Variants in SI observed in about 807,000 individuals in gnomAD.
SI encodes the protein sucrase-isomaltase, intestinal.
A neutral mutation model predicts 253.3 loss-of-function variants in SI; 235 were observed. The ratio of observed to expected loss-of-function variants is 0.93; its 90% CI spans 0.83 to 1.03. The LOEUF (loss-of-function observed/expected upper bound fraction) is 1.03. SI is among the 50% of genes least tolerant of loss of function. The pLI is 0.00. For missense variants in SI, 2,442 were observed against 2,211.1 expected, an observed-to-expected ratio of 1.10 and a Z score of -2.09; for synonymous variants, 819 against 712.0, an observed-to-expected ratio of 1.15 and a Z score of -2.39.
At position 165,019,636 on chromosome 3, in the gene SI, G is replaced by C; in HGVS notation, c.3389C>G (p.Thr1130Ser). 1 of 1,612,508 alleles carries C rather than the reference G, an allele frequency of 6.2e-7. No homozygotes were observed. ...TAFKRDLNWNTWGMFTRDQPP... is the reference protein window; with the variant it reads ...TAFKRDLNWNSWGMFTRDQPP... ...TTGGTCTCTTGTGAACATTCCCCAAGTATTCCAGTTCAGATCTCGCTTAAA... is the reference window on the plus strand; with the variant it reads ...TTGGTCTCTTGTGAACATTCCCCAACTATTCCAGTTCAGATCTCGCTTAAA... Residue 1130 changes from threonine to serine, a missense_variant, in exon 28 of 48, where the codon ACT (threonine) becomes AGT (serine). By Grantham distance (58) the Thr-to-Ser change is moderately conservative. Transcript: ENST00000264382.
rs375859875 is a variant in SI, at chr3:165,032,491, T to C, written c.2736+31A>G. ...TAATATTAAATATGAGATTATATGA[T>C]AGCTAAAATATTTTAAAAGATTGTA... On this transcript the variant is annotated intron_variant, in intron 24 of 47. Transcript: ENST00000264382. The C allele has an allele frequency of 6.4e-5, 92 of 1,430,356 alleles. 1 individual carries two copies. In the Middle Eastern group the frequency reaches 3.0e-3, roughly 47 times the overall value. The allele number at this position is 1,430,356 out of a possible 1,614,324, so 88.6% of individuals were successfully genotyped here.
At chr3:165,002,773 T>A (rs1352474330) in intron 37 of SI, among the ~76,000 whole-genome samples, 2 of 151,610 alleles carry the variant, frequency 1.3e-5, no homozygotes, top group Non-Finnish European at 3.0e-5. Context: ...ACTGAAAAAA[T>A]TAAAATATTA....
chr3:165,042,544 T>C (rs544425111), intron 17 of SI, among the ~76,000 whole-genome samples: 1 of 152,206 alleles, frequency 6.6e-6, no homozygotes, highest in East Asian at 1.9e-4. Context: ...TCCAAAACCG[T>C]GTTTTAAAAG....
intron 37 of SI, among the ~76,000 whole-genome samples, chr3:164,999,800 TA>T (rs1051327557): frequency 1.4e-4 from 21 of 151,636 alleles, no homozygotes; most frequent in Non-Finnish European, 3.0e-4. Flanking sequence ...TGCAAGCAAC[TA>T]AAAATGTGTT....
chr3:165,087,016 C>T, the SI span, among the ~76,000 whole-genome samples: 17 of 152,256 alleles, frequency 1.1e-4, no homozygotes, highest in Middle Eastern at 6.8e-3. Context: ...CAATATCCCA[C>T]GTGCTCCCCT....
chr3:165,023,603 C>T lies in SI; in HGVS notation c.3066G>A (p.Val1022=). 6.2e-7 allele frequency: 1 copy of T among 1,610,592 alleles called. No individual in the cohort carries two copies. The highest frequency in any genetic ancestry group is 8.5e-7 in the Non-Finnish European group (1 of 1,177,772). The change falls in exon 26 of 48, where the codon GTG becomes GTA. Residue 1022 remains valine, a synonymous_variant. Transcript: ENST00000264382. ...GCAACATATCATTTTTGTGATATTT[C>T]ACCTCCACACGAAGAGTTGAGATGG... ...SDPISTLRVE[V]KYHKNDMLQF... is the part of the protein sequence containing the mutation.
chr3:165,001,782 G>A lies in SI; in HGVS notation c.4407-3109C>T, dbSNP rs941625432. 3.3e-5 allele frequency among the ~76,000 whole-genome samples: 5 copies of A among 151,356 alleles called. No homozygotes were observed. In the East Asian group the frequency reaches 9.7e-4, roughly 29 times the overall value. ...GAATGAGGTGAGGTATACTGTGTTT[G>A]TTTTTTCATAGACTAGTTTTTGTTT... is the stretch of plus-strand genomic sequence containing the variant. On this transcript the variant is annotated intron_variant, in intron 37 of 47. Transcript: ENST00000264382.
rs1714337089 is a variant in SI at position 165,068,028 on chromosome 3, A to C, written c.484-537T>G. Among the ~76,000 whole-genome samples the C allele has an allele frequency of 2.0e-5, 3 of 152,136 alleles. No individual in the cohort carries two copies. In the South Asian group the frequency reaches 6.2e-4, roughly 32 times the overall value. ...GAATTTGGTGCTGTTTTTACTTCCAAATCCAAAATATTTATACTAGTAAAC... is the reference window on the plus strand; with the variant it reads ...GAATTTGGTGCTGTTTTTACTTCCACATCCAAAATATTTATACTAGTAAAC... On this transcript the variant is annotated intron_variant, in intron 5 of 47. Transcript: ENST00000264382.
chr3:165,021,506 A>T lies in SI; in HGVS notation c.3100-123T>A. 3 of 786,496 alleles carry T rather than the reference A, an allele frequency of 3.8e-6. No individual in the cohort carries two copies. In the East Asian group the frequency reaches 7.4e-5, roughly 19 times the overall value. 48.7% of individuals were successfully genotyped at this position (786,496 alleles called of 1,614,324 possible). Reference sequence around the variant, plus strand: ...AGAATTTTTCTCCACATAATTTCTAATTCTACATTCATGGTCCATATAACC... The same window carrying T: ...AGAATTTTTCTCCACATAATTTCTATTTCTACATTCATGGTCCATATAACC... On this transcript the variant is annotated intron_variant, in intron 26 of 47. Coordinates refer to ENST00000264382, the MANE Select transcript of SI (RefSeq NM_001041.4).
intron 16 of SI, 28 bp downstream of exon 16, chr3:165,046,813 T>C (rs1393821767): frequency 6.4e-7 from 1 of 1,559,604 alleles, no homozygotes; most frequent in East Asian, 2.3e-5. Flanking sequence ...GTAGCTTTTA[T>C]GAGTAACACT....
At chr3:165,085,731 T>C in the SI span, among the ~76,000 whole-genome samples, 1 of 152,204 alleles carries the variant, frequency 6.6e-6, no homozygotes, top group African/African-American at 2.4e-5. Context: ...AAACTTTTTA[T>C]GAATAAATTG....
chr3:165,053,202 A>G (rs1713520417), intron 13 of SI, among the ~76,000 whole-genome samples: 1 of 151,944 alleles, frequency 6.6e-6, no homozygotes, highest in South Asian at 2.1e-4. Context: ...CAAATTTATT[A>G]TATTTTATAC....
Position 165,029,880 on chromosome 3 carries a change from T to C in SI, c.2892+832A>G, listed in dbSNP as rs1373257443. On this transcript the variant is annotated intron_variant, in intron 25 of 47. Transcript: ENST00000264382. ...GACTTTTATTGATTTTAGAATCTTT[T>C]CTTCTCCTTACTTTTTCTGTTCTTA... Among the ~76,000 whole-genome samples the C allele has an allele frequency of 8.6e-5, 13 of 150,428 alleles. No individual in the cohort carries two copies. In the Admixed American group the frequency reaches 8.7e-4, roughly 10 times the overall value.
chr3:165,049,730 C>A, intron 14 of SI, 61 bp downstream of exon 14: 1 of 917,920 alleles, frequency 1.1e-6, no homozygotes. Flanking sequence ...TTAGAAATTA[C>A]TAGTCAACTA....
intron 13 of SI, among the ~76,000 whole-genome samples, chr3:165,053,652 C>A (rs979521862): frequency 6.6e-6 from 1 of 152,060 alleles, no homozygotes; most frequent in Non-Finnish European, 1.5e-5. Flanking sequence ...AACCTTCTCT[C>A]CCACACTTTG....
intron 25 of SI, among the ~76,000 whole-genome samples, chr3:165,028,853 A>G (rs1712068273): frequency 6.6e-6 from 1 of 150,840 alleles, no homozygotes. Flanking sequence ...ATAGCATTCT[A>G]GAAATTGTCT....
intron 3 of SI, among the ~76,000 whole-genome samples, chr3:165,072,698 C>A (rs1023467408): frequency 1.3e-5 from 2 of 151,980 alleles, no homozygotes; most frequent in African/African-American, 4.8e-5. Flanking sequence ...AATTTGCATA[C>A]CACTGTTCTA....
intron 35 of SI, among the ~76,000 whole-genome samples, chr3:165,008,200 A>T (rs1463189076): frequency 6.6e-6 from 1 of 151,920 alleles, no homozygotes; most frequent in Non-Finnish European, 1.5e-5. Context: ...CCTTTTGAAA[A>T]ATAAAATGTT....
intron 13 of SI, among the ~76,000 whole-genome samples, chr3:165,053,998 T>A (rs1044691307): frequency 1.3e-5 from 2 of 152,058 alleles, no homozygotes; most frequent in Admixed American, 1.3e-4. Flanking sequence ...ACTGTCATCA[T>A]AGGAATCCTG....
Sources: gnomAD v4.1 joint callset for allele counts (sites outside exome capture counted in the v4.1 genomes callset) on GRCh38, gnomAD v4.1.1 for gene constraint, MANE v1.5 for transcripts, NCBI Gene and HGNC (gene_info 2026-07-23, HGNC 2026-07-21) for gene names.